RGS12: variants seen among roughly 807,000 people sequenced by gnomAD.
RGS12 encodes regulator of G protein signaling 12.
A neutral mutation model predicts 120.1 loss-of-function variants in RGS12; 66 were observed. The observed-to-expected ratio is 0.55, with a 90% CI of 0.45 to 0.67. The LOEUF is 0.67. RGS12 is among the 30% of genes least tolerant of loss of function. The pLI is 0.00. For missense variants in RGS12, 1,859 were observed against 1,957.7 expected (o/e 0.95, Z 0.95); for synonymous variants, 827 against 804.7 (o/e 1.03, Z -0.47).
intron 4 of RGS12, among the ~76,000 whole-genome samples, chr4:3,411,810 C>T (rs1721763432): frequency 6.6e-6 from 1 of 152,288 alleles, no homozygotes; most frequent in Non-Finnish European, 1.5e-5. Flanking sequence ...GGGAGCCTCA[C>T]ATGGCCCCTG....
At chr4:3,360,174 A>G (rs1715421607) in intron 3 of RGS12, among the ~76,000 whole-genome samples, 1 of 152,216 alleles carries the variant, frequency 6.6e-6, no homozygotes, top group Non-Finnish European at 1.5e-5. Flanking sequence ...GTACTCCTCT[A>G]TAATTCTTGC....
chr4:3,414,869 G>A, intron 6 of RGS12, 25 bp downstream of exon 6: 2 of 1,549,376 alleles, frequency 1.3e-6, no homozygotes, highest in Non-Finnish European at 1.8e-6. Context: ...GGGAAGTGGG[G>A]GCTGTGTGAG....
chr4:3,339,740 C>CGGTTGCTG (rs958481499), intron 2 of RGS12, among the ~76,000 whole-genome samples: 1 of 152,116 alleles, frequency 6.6e-6, no homozygotes, highest in African/African-American at 2.4e-5. Flanking sequence ...GGTGGGCGGG[C>CGGTTGCTG]GGTTGCTGGG....
In RGS12 at chr4:3,416,059, C is replaced by T; in HGVS notation, c.2365C>T (p.Gln789Ter). ...TTPVNIDSQA[Q>*]LADDVLRAPH... The stretch of plus-strand genomic sequence containing the variant: ...CCCGGTCAACATCGACAGCCAGGCC[C>T]AGCTAGCAGACGACGTCCTCCGCGC... Residue 789 changes from glutamine (Q) to a stop codon, truncating the protein, a stop_gained, in exon 7 of 18, where the codon CAG becomes TAG. Coordinates refer to ENST00000336727, the MANE Select transcript of RGS12 (RefSeq NM_001394154.1). LOFTEE classifies it high-confidence loss of function. 1 of 1,614,084 alleles carries T rather than the reference C, an allele frequency of 6.2e-7. No homozygotes were observed. Among genetic ancestry groups the T allele is most frequent in the Non-Finnish European group, 8.5e-7 (1 of 1,180,020 alleles).
At chr4:3,296,175 TCTC>T (rs977742667) in intron 1 of RGS12, among the ~76,000 whole-genome samples, 2 of 152,108 alleles carry the variant, frequency 1.3e-5, no homozygotes, top group South Asian at 2.1e-4. Context: ...TCGCTGTCTT[TCTC>T]CTCCTCTTTA....
intron 4 of RGS12, among the ~76,000 whole-genome samples, chr4:3,404,856 AT>A (rs1325140408): frequency 8.5e-5 from 13 of 152,224 alleles, no homozygotes; most frequent in African/African-American, 2.7e-4. Flanking sequence ...GCAAAGACTA[AT>A]TCCTGGGCTG....
chr4:3,343,999 A>C (rs1713536151), intron 3 of RGS12, among the ~76,000 whole-genome samples: 1 of 152,224 alleles, frequency 6.6e-6, no homozygotes, highest in African/African-American at 2.4e-5. Context: ...ATAGACACTC[A>C]GTGGGAGTGG....
At position 3,433,966 on chromosome 4, in the gene RGS12, G is replaced by A. The variant is rs1724578417; in HGVS notation, c.4114+3011G>A. ...ACACACACAACAGAGGCCTCAAGCG[G>A]GAGAAGTGTCAGGCCCCTCGTGAGG... On this transcript the variant is annotated intron_variant, in intron 17 of 17. Transcript: ENST00000336727. The surrounding 1 kb of genome is among the most constrained non-coding windows in gnomAD (Gnocchi z 4.4). Among the ~76,000 whole-genome samples the A allele has an allele frequency of 6.6e-6, 1 of 152,266 alleles. No individual in the cohort carries two copies. The highest frequency in any genetic ancestry group is 1.5e-5 in the Non-Finnish European group (1 of 68,046).
At position 3,372,237 on chromosome 4, in the gene RGS12, G is replaced by A. The variant is rs1219896126; in HGVS notation, c.1999-14179G>A. On this transcript the variant is annotated intron_variant, in intron 3 of 17. Transcript: ENST00000336727. This position sits in a 1 kb window ranked among gnomAD's most constrained non-coding sequence, Gnocchi z 4.3. The stretch of plus-strand genomic sequence containing the variant: ...CCCCTCCCAGGGTGCCCTGCTGTGG[G>A]GTGGCCGCTCTGGGCTGGGGGGCTG... Among the ~76,000 whole-genome samples, 4 of 151,922 alleles carry A rather than the reference G, an allele frequency of 2.6e-5. No individual in the cohort carries two copies. Among genetic ancestry groups the A allele is most frequent in the African/African-American group, 4.8e-5 (2 of 41,358 alleles).
At chr4:3,367,871 G>C (rs749077713) in intron 3 of RGS12, among the ~76,000 whole-genome samples, 1 of 152,214 alleles carries the variant, frequency 6.6e-6, no homozygotes, top group African/African-American at 2.4e-5. Flanking sequence ...GTTAGTGACC[G>C]GACAGCAACA....
chr4:3,412,527 G>A (rs940771666), intron 4 of RGS12, among the ~76,000 whole-genome samples: 4 of 152,228 alleles, frequency 2.6e-5, no homozygotes, highest in African/African-American at 7.2e-5. Context: ...CAGCTCGTCC[G>A]CTGGGATCAG....
intron 15 of RGS12, 90 bp from the exon 16 acceptor site, chr4:3,428,468 T>C: frequency 8.6e-7 from 1 of 1,164,412 alleles, no homozygotes; most frequent in Non-Finnish European, 1.2e-6. Flanking sequence ...ATGCAATCTA[T>C]TTCATAGAGC....
intron 4 of RGS12, among the ~76,000 whole-genome samples, chr4:3,399,755 G>T (rs929650185): frequency 6.6e-6 from 1 of 152,208 alleles, no homozygotes; most frequent in African/African-American, 2.4e-5. Context: ...GTCAGCTTAG[G>T]CTAAGTAATA....
At chr4:3,351,246 G>A (rs1008037113) in intron 3 of RGS12, among the ~76,000 whole-genome samples, 2 of 151,936 alleles carry the variant, frequency 1.3e-5, no homozygotes, top group African/African-American at 2.4e-5. Flanking sequence ...CCTTGAATTA[G>A]TAACAAATCT....
chr4:3,337,039 G>A (rs1712555940), intron 2 of RGS12, among the ~76,000 whole-genome samples: 1 of 152,148 alleles, frequency 6.6e-6, no homozygotes, highest in South Asian at 2.1e-4. Flanking sequence ...AATGAGCAAA[G>A]GACTTGAATA....
At chr4:3,423,912 C>G (rs1388700340) in intron 13 of RGS12, 2 of 384,550 alleles carry the variant, frequency 5.2e-6, no homozygotes. Context: ...AAATGAGAAA[C>G]AAAGCAACCA....
chr4:3,434,805 C>CA (rs1299426340), intron 17 of RGS12, among the ~76,000 whole-genome samples: 1 of 152,220 alleles, frequency 6.6e-6, no homozygotes, highest in African/African-American at 2.4e-5. Flanking sequence ...TCGTTTCCAA[C>CA]AAAAAGCCCG....
chr4:3,301,533 G>A (rs140217696), intron 1 of RGS12, among the ~76,000 whole-genome samples: 76 of 152,314 alleles, frequency 5.0e-4, no homozygotes, highest in Admixed American at 2.4e-3. Flanking sequence ...TTTCTGGGGT[G>A]TTTTGGGCTA....
In RGS12 at chr4:3,309,298, G is replaced by T. The variant is rs1391533954; in HGVS notation, c.-101-6772G>T. ...GAGGAGGAGCTGGGACTCGGGAATGGCAGGTGTCTGCTGAGGAGAACCGGG... is the reference window on the plus strand; with the variant it reads ...GAGGAGGAGCTGGGACTCGGGAATGTCAGGTGTCTGCTGAGGAGAACCGGG... On this transcript the variant is annotated intron_variant, in intron 1 of 17. Coordinates refer to ENST00000336727, the MANE Select transcript of RGS12 (RefSeq NM_001394154.1). Among the ~76,000 whole-genome samples, 2 of 146,184 alleles carry T rather than the reference G, an allele frequency of 1.4e-5. 1 individual carries two copies. Among genetic ancestry groups the T allele is most frequent in the Non-Finnish European group, 3.0e-5 (2 of 66,572 alleles).
Sources: gnomAD v4.1 joint callset for allele counts (sites outside exome capture counted in the v4.1 genomes callset) on GRCh38, gnomAD v4.1.1 for gene constraint, Gnocchi (gnomAD v3.1) non-coding constraint, MANE v1.5 for transcripts, NCBI Gene and HGNC (gene_info 2026-07-23, HGNC 2026-07-21) for gene names.